Variants in MGAT1 observed in about 807,000 individuals in gnomAD.
MGAT1 encodes the protein N-glycosyl-oligosaccharide-glycoprotein N-acetylglucosaminyltransferase I.
Under a neutral mutation model 31.7 loss-of-function variants are expected in MGAT1, and 14 were observed. The observed-to-expected ratio is 0.44, with a 90% CI of 0.29 to 0.69. The LOEUF is 0.69. Ranked by LOEUF, MGAT1 falls within the 30% of genes least tolerant of loss-of-function variation. The pLI, the probability that MGAT1 is intolerant of heterozygous loss-of-function variation, is 0.12. For missense variants in MGAT1, 557 were observed against 626.0 expected (o/e 0.89, Z 1.18); for synonymous variants, 338 against 276.0 (o/e 1.22, Z -2.23).
chr5:180,814,525 C>T (rs1772752312), intron 1 of MGAT1, among the ~76,000 whole-genome samples: 2 of 152,340 alleles, frequency 1.3e-5, no homozygotes, highest in Admixed American at 1.3e-4. Context: ...GGGCTCTTTC[C>T]TGGGCCCTTG....
At position 180,787,499 on chromosome 5, in the gene MGAT1, C is replaced by G. The variant is rs1767647113; in HGVS notation, c.*4135G>C. On this transcript the variant is annotated 3_prime_UTR_variant, in exon 2 of 2. Transcript: ENST00000307826. The stretch of plus-strand genomic sequence containing the variant: ...CAGCCAGACAAATATGTACATAACA[C>G]TATGGGTTTTGGTGGTAAATGTTTT... 6.6e-6 allele frequency: 1 copy of G among 152,190 alleles called. No individual in the cohort carries two copies. Among genetic ancestry groups the G allele is most frequent in the East Asian group, 1.9e-4 (1 of 5,198 alleles). 9.4% of individuals were successfully genotyped at this position (152,190 alleles called of 1,614,324 possible). A position where few individuals can be genotyped will look rare whatever the true frequency, so the allele number is the denominator to read the frequency against.
intron 1 of MGAT1, among the ~76,000 whole-genome samples, chr5:180,811,819 C>G (rs898139159): frequency 6.6e-6 from 1 of 152,258 alleles, no homozygotes; most frequent in Non-Finnish European, 1.5e-5. Flanking sequence ...GCCTGCCTAG[C>G]TGTCTGACCT....
intron 1 of MGAT1, among the ~76,000 whole-genome samples, chr5:180,798,252 T>A (rs1435134301): frequency 6.6e-6 from 1 of 152,144 alleles, no homozygotes; most frequent in Non-Finnish European, 1.5e-5. Flanking sequence ...TTCTCCCCAT[T>A]TTCTTTGCTC....
chr5:180,795,711 T>C (rs564593968), intron 1 of MGAT1: 1 of 152,356 alleles, frequency 6.6e-6, no homozygotes, highest in Non-Finnish European at 1.5e-5. Context: ...ACGAAGTTTC[T>C]TGACAATCAA....
At chr5:180,813,663 T>C (rs960484127) in intron 1 of MGAT1, among the ~76,000 whole-genome samples, 3 of 152,104 alleles carry the variant, frequency 2.0e-5, no homozygotes, top group Non-Finnish European at 4.4e-5. Context: ...CGGACTGTCA[T>C]TTGGTGTGGG....
At position 180,784,896 on chromosome 5, in the gene MGAT1, CCTTT is replaced by C. The variant is rs1477077079; in HGVS notation, c.*6734_*6737del. 2.6e-5 allele frequency: 4 copies of C among 152,200 alleles called. No homozygotes were observed. Among genetic ancestry groups the C allele is most frequent in the Admixed American group, 6.5e-5 (1 of 15,284 alleles). The allele number at this position is 152,200 out of a possible 1,614,324, so 9.4% of individuals were successfully genotyped here. ...TTTAAAAAACAATATTCATTCTTTACCTTTCTATCAAGTGGTACAGAAAATTATA... is the reference window on the plus strand; with the variant it reads ...TTTAAAAAACAATATTCATTCTTTACCTATCAAGTGGTACAGAAAATTATA... On this transcript the variant is annotated 3_prime_UTR_variant, in exon 2 of 2. Coordinates refer to ENST00000307826, the MANE Select transcript of MGAT1 (RefSeq NM_002406.4).
At chr5:180,797,436 G>A (rs372458058) in intron 1 of MGAT1, among the ~76,000 whole-genome samples, 2,507 of 146,946 alleles carry the variant, frequency 0.017, 76 homozygotes, top group African/African-American at 0.058. Context: ...AAAAGGGGGG[G>A]GGGGCCCAGA....
At chr5:180,806,383 A>G (rs1771872483), upstream of MGAT1, among the ~76,000 whole-genome samples, 1 of 152,196 alleles carries the variant, frequency 6.6e-6, no homozygotes, top group Non-Finnish European at 1.5e-5. Context: ...CCTGGTGCCC[A>G]TGTGAAAAAG....
intron 1 of MGAT1, chr5:180,809,201 TAAACACTCCGC>T (rs1772264925): frequency 6.6e-6 from 1 of 152,180 alleles, no homozygotes; most frequent in Admixed American, 6.5e-5. Context: ...ACACCTTCGT[TAAACACTCCGC>T]AAGGTTATAC....
At position 180,786,926 on chromosome 5, in the gene MGAT1, T is replaced by C. The variant is rs1767604597; in HGVS notation, c.*4708A>G. 6.6e-6 allele frequency: 1 copy of C among 152,360 alleles called. No individual in the cohort carries two copies. Among genetic ancestry groups the C allele is most frequent in the Non-Finnish European group, 1.5e-5 (1 of 68,162 alleles). The allele number at this position is 152,360 out of a possible 1,614,324, so 9.4% of individuals were successfully genotyped here. The stretch of plus-strand genomic sequence containing the variant: ...GAGGCAGTGGGGGAAAGTAACAGCC[T>C]TGGCACTACCCGGCCCCCTTTCTAT... On this transcript the variant is annotated 3_prime_UTR_variant, in exon 2 of 2. Coordinates refer to ENST00000307826, the MANE Select transcript of MGAT1 (RefSeq NM_002406.4).
intron 1 of MGAT1, among the ~76,000 whole-genome samples, chr5:180,797,843 T>TTCATCACA (rs11282898): frequency 7.7e-6 from 1 of 130,662 alleles, no homozygotes. Flanking sequence ...GCCCACCTCC[T>TTCATCACA]TAGGCTCAGC....
intron 1 of MGAT1, among the ~76,000 whole-genome samples, chr5:180,814,198 G>A (rs1176465128): frequency 1.1e-4 from 17 of 152,256 alleles, no homozygotes; most frequent in Non-Finnish European, 2.9e-5. Context: ...TCTTTGTACC[G>A]ATTTTAGTCT....
Position 180,792,882 on chromosome 5 carries a change from C to A in MGAT1, c.90G>T (p.Thr30=). 1 of 1,596,878 alleles carries A rather than the reference C, an allele frequency of 6.3e-7. No homozygotes were observed. Among genetic ancestry groups the A allele is most frequent in the Non-Finnish European group, 8.5e-7 (1 of 1,172,482 alleles). ...WNALLLLFFW[T]RPAPGRPPSV... Reference sequence around the variant, plus strand: ...AGGGTGGCCTGCCAGGTGCTGGGCGCGTCCAGAAGAAGAGGAGCAGCAGGG... The same window carrying A: ...AGGGTGGCCTGCCAGGTGCTGGGCGAGTCCAGAAGAAGAGGAGCAGCAGGG... Residue 30 remains threonine, a synonymous_variant, in exon 2 of 2, where the codon ACG becomes ACT. Coordinates refer to ENST00000307826, the MANE Select transcript of MGAT1 (RefSeq NM_002406.4).
chr5:180,810,616 GC>G (rs1395021154), intron 1 of MGAT1: 1 of 152,184 alleles, frequency 6.6e-6, no homozygotes, highest in African/African-American at 2.4e-5. Context: ...CTCTCCCTCC[GC>G]CCAAAGGTCG....
chr5:180,797,425 A>G (rs1490903707), intron 1 of MGAT1, among the ~76,000 whole-genome samples: 1 of 135,302 alleles, frequency 7.4e-6, no homozygotes, highest in Non-Finnish European at 1.6e-5. Context: ...AAAAAAAAAA[A>G]AAAAGGGGGG....
intron 1 of MGAT1, among the ~76,000 whole-genome samples, chr5:180,795,229 A>G (rs6883883): frequency 0.12 from 18,827 of 151,746 alleles, 1,247 homozygotes; most frequent in East Asian, 0.24. Context: ...GGAAGCTTCT[A>G]GAAGGGTGGA....
At chr5:180,806,894 C>T (rs936581554), upstream of MGAT1, among the ~76,000 whole-genome samples, 4 of 152,192 alleles carry the variant, frequency 2.6e-5, no homozygotes, top group African/African-American at 9.7e-5. Context: ...AGACTGGCAA[C>T]AGAAATTTGC....
Position 180,792,221 on chromosome 5 carries a change from C to G in MGAT1, c.751G>C (p.Asp251His), listed in dbSNP as rs770635923. The change falls in exon 2 of 2, where the codon GAC becomes CAC. Residue 251 changes from aspartate (D) to histidine (H), a missense_variant. Physicochemically the swap from Asp to His is moderately conservative, Grantham distance 81. This residue lies in a region of MGAT1 where 245 missense variants were observed against 332.9 expected (regional missense o/e 0.74). Transcript: ENST00000307826. The part of the protein sequence containing the change: ...WNDNGKEQMV[D>H]ASRPELLYRT... ...TAGAGCAGCTCAGGCCTGCTGGCGT[C>G]CACCATCTGCTCCTTGCCGTTGTCA... is the stretch of plus-strand genomic sequence containing the variant. 6.2e-7 allele frequency: 1 copy of G among 1,613,142 alleles called. No individual in the cohort carries two copies. The highest frequency in any genetic ancestry group is 8.5e-7 in the Non-Finnish European group (1 of 1,180,004).
chr5:180,800,199 C>A (rs1274750054), intron 1 of MGAT1, among the ~76,000 whole-genome samples: 1 of 152,326 alleles, frequency 6.6e-6, no homozygotes, highest in Non-Finnish European at 1.5e-5. Context: ...AAGTGCCCTC[C>A]CTGCCCTCTG....
Sources: gnomAD v4.1 joint callset for allele counts (sites outside exome capture counted in the v4.1 genomes callset) on GRCh38, gnomAD v4.1.1 for gene constraint, gnomAD v4.1.1 regional missense constraint, MANE v1.5 for transcripts, NCBI Gene and HGNC (gene_info 2026-07-23, HGNC 2026-07-21) for gene names.